IFT80: variants seen among roughly 807,000 people sequenced by gnomAD.
IFT80 encodes intraflagellar transport 80, also known as intraflagellar transport protein 80 homolog.
In IFT80, 79 loss-of-function variants were observed where a neutral mutation model predicts 107.9. The observed-to-expected ratio is 0.73, with a 90% confidence interval of 0.61 to 0.88. The LOEUF is 0.88. Ranked by LOEUF, IFT80 falls within the 40% of genes least tolerant of loss-of-function variation. The pLI is 0.00. For synonymous variants in IFT80, 299 were observed against 300.9 expected, an observed-to-expected ratio of 0.99 and a Z score of 0.07; for missense variants, 797 against 914.2, an observed-to-expected ratio of 0.87 and a Z score of 1.65.
intron 12 of IFT80, among the ~76,000 whole-genome samples, chr3:160,299,598 G>C (rs927279106): frequency 5.3e-5 from 8 of 151,970 alleles, no homozygotes; most frequent in Admixed American, 2.0e-4. Flanking sequence ...CCTAATTACT[G>C]ATGTGCTGTG....
chr3:160,347,064 T>A (rs964371394), intron 8 of IFT80, among the ~76,000 whole-genome samples: 4 of 151,732 alleles, frequency 2.6e-5, no homozygotes, highest in African/African-American at 9.7e-5. Context: ...CTATGAGAGG[T>A]CAAAAAGTGC....
chr3:160,268,647 C>T lies in IFT80; in HGVS notation c.2100-111G>A. On this transcript the variant is annotated intron_variant, in intron 18 of 19. Transcript: ENST00000326448. Reference sequence around the variant, plus strand: ...ATGGCTCTTCCCTCTGTTTATTCCACAATATGAAATACCATTTTCTACCTC... The same window carrying T: ...ATGGCTCTTCCCTCTGTTTATTCCATAATATGAAATACCATTTTCTACCTC... The T allele has an allele frequency of 3.8e-6, 4 of 1,040,756 alleles. No individual in the cohort carries two copies. In the South Asian group the frequency reaches 5.3e-5, roughly 14 times the overall value. The allele number at this position is 1,040,756 out of a possible 1,614,324, so 64.5% of individuals were successfully genotyped here.
At chr3:160,382,786 T>C (rs779295761) in intron 2 of IFT80, among the ~76,000 whole-genome samples, 5 of 152,212 alleles carry the variant, frequency 3.3e-5, no homozygotes, top group Non-Finnish European at 4.4e-5. Flanking sequence ...ATGCAGACAA[T>C]GCGCCTAATT....
intron 10 of IFT80, among the ~76,000 whole-genome samples, chr3:160,304,347 C>T (rs1716663980): frequency 6.6e-6 from 1 of 151,822 alleles, no homozygotes; most frequent in African/African-American, 2.4e-5. Context: ...ACAGTAGCAG[C>T]ATGGCATAAT....
At chr3:160,300,266 C>T (rs1365607238) in intron 12 of IFT80, among the ~76,000 whole-genome samples, 1 of 152,090 alleles carries the variant, frequency 6.6e-6, no homozygotes, top group Non-Finnish European at 1.5e-5. Flanking sequence ...CAAGTAGTTG[C>T]CACATAGTAA....
At chr3:160,341,395 C>T (rs969997882) in intron 8 of IFT80, among the ~76,000 whole-genome samples, 5 of 150,686 alleles carry the variant, frequency 3.3e-5, no homozygotes, top group Non-Finnish European at 7.4e-5. Flanking sequence ...ATGTTGTCAC[C>T]AAGTGGTGGT....
intron 8 of IFT80, 21 bp downstream of exon 8, chr3:160,355,992 T>C (rs2108360042): frequency 6.2e-7 from 1 of 1,613,676 alleles, no homozygotes. Flanking sequence ...ACATCTGTGA[T>C]TGCTCACCAC....
chr3:160,370,460 G>A (rs1490498603), intron 5 of IFT80, among the ~76,000 whole-genome samples: 1 of 151,584 alleles, frequency 6.6e-6, no homozygotes, highest in African/African-American at 2.4e-5. Context: ...TAGGAGACAT[G>A]AGCTAACAAT....
intron 18 of IFT80, among the ~76,000 whole-genome samples, chr3:160,277,033 C>T (rs1177642263): frequency 6.6e-6 from 1 of 152,174 alleles, no homozygotes; most frequent in African/African-American, 2.4e-5. Context: ...CCTATCAAAT[C>T]TGCAAATGGT....
At chr3:160,382,294 C>A (rs1268500944) in intron 2 of IFT80, among the ~76,000 whole-genome samples, 1 of 152,104 alleles carries the variant, frequency 6.6e-6, no homozygotes, top group Non-Finnish European at 1.5e-5. Context: ...ACAGCTGAAA[C>A]TAAAATCTTA....
At chr3:160,294,141 C>A (rs1387688242) in intron 12 of IFT80, among the ~76,000 whole-genome samples, 2 of 152,138 alleles carry the variant, frequency 1.3e-5, no homozygotes, top group Non-Finnish European at 2.9e-5. Flanking sequence ...AATGCAAGTG[C>A]CCTTGGGAAC....
intron 14 of IFT80, among the ~76,000 whole-genome samples, chr3:160,281,550 G>C (rs1022779051): frequency 6.6e-6 from 1 of 152,120 alleles, no homozygotes; most frequent in African/African-American, 2.4e-5. Context: ...ATAATAATTG[G>C]TTGCAGCCAG....
chr3:160,305,477 ATACTT>A (rs1460110419), intron 10 of IFT80, among the ~76,000 whole-genome samples: 1 of 152,146 alleles, frequency 6.6e-6, no homozygotes, highest in African/African-American at 2.4e-5. Context: ...AAATCACAAA[ATACTT>A]TATTAACTAA....
At position 160,277,637 on chromosome 3, in the gene IFT80, C is replaced by T; in HGVS notation, c.1870G>A (p.Ala624Thr). ...QTMWACLAAM[A>T]VANRDMTTAE... is the part of the protein sequence containing the mutation. ...GTAGTCATATCTCGATTAGCAACTG[C>T]CATAGCAGCTAGACAAGCCCACATG... is the stretch of plus-strand genomic sequence containing the variant. The change falls in exon 17 of 20, where the codon GCA (alanine) becomes ACA (threonine). Residue 624 changes from alanine to threonine, a missense_variant. Ala to Thr is a moderately conservative substitution (Grantham distance 58). Coordinates refer to ENST00000326448, the MANE Select transcript of IFT80 (RefSeq NM_020800.3). 6.2e-7 allele frequency: 1 copy of T among 1,613,546 alleles called. No individual in the cohort carries two copies. Among genetic ancestry groups the T allele is most frequent in the Non-Finnish European group, 8.5e-7 (1 of 1,179,698 alleles).
Position 160,371,173 on chromosome 3 carries a change from T to C in IFT80, c.439+4639A>G, listed in dbSNP as rs145071616. ...GGAGTTAGCTCCCACTCACCTGACTTTTAGGTCTCACGGTCTTCTGTCTCT... is the reference window on the plus strand; with the variant it reads ...GGAGTTAGCTCCCACTCACCTGACTCTTAGGTCTCACGGTCTTCTGTCTCT... On this transcript the variant is annotated intron_variant, in intron 5 of 19. Coordinates refer to ENST00000326448, the MANE Select transcript of IFT80 (RefSeq NM_020800.3). Among the ~76,000 whole-genome samples, 255 of 152,294 alleles carry C rather than the reference T, an allele frequency of 1.7e-3. 8 individuals are homozygous for C. In the East Asian group the frequency reaches 0.044, roughly 26 times the overall value.
chr3:160,336,421 T>G (rs1719465878), intron 8 of IFT80, among the ~76,000 whole-genome samples: 1 of 152,188 alleles, frequency 6.6e-6, no homozygotes. Context: ...TATATAATTA[T>G]GTAAAATATT....
chr3:160,328,804 C>T (rs901354661), intron 8 of IFT80, among the ~76,000 whole-genome samples: 3 of 152,048 alleles, frequency 2.0e-5, no homozygotes, highest in Admixed American at 6.6e-5. Context: ...ACTATGTAGC[C>T]ATAAAAAGGA....
At chr3:160,354,549 AG>A (rs1264013612) in intron 8 of IFT80, among the ~76,000 whole-genome samples, 1 of 152,150 alleles carries the variant, frequency 6.6e-6, no homozygotes, top group East Asian at 1.9e-4. Context: ...GCTGCTAGGG[AG>A]GCTAAGGTAG....
At chr3:160,334,341 G>C (rs1014399460) in intron 8 of IFT80, among the ~76,000 whole-genome samples, 1 of 152,086 alleles carries the variant, frequency 6.6e-6, no homozygotes, top group African/African-American at 2.4e-5. Flanking sequence ...GTTGGAAGTT[G>C]AGTAATGGGT....
Sources: gnomAD v4.1 joint callset for allele counts (sites outside exome capture counted in the v4.1 genomes callset) on GRCh38, gnomAD v4.1.1 for gene constraint, MANE v1.5 for transcripts, NCBI Gene and HGNC (gene_info 2026-07-23, HGNC 2026-07-21) for gene names.